PKD1L1: variants seen among roughly 807,000 people sequenced by gnomAD.
The protein encoded by PKD1L1 is polycystin 1 like 1, transient receptor potential channel interacting.
In PKD1L1, 236 loss-of-function variants were observed where a neutral mutation model predicts 323.4. The observed-to-expected ratio is 0.73, with a 90% CI of 0.66 to 0.81. The LOEUF (loss-of-function observed/expected upper bound fraction) is 0.81. PKD1L1 is among the 40% of genes least tolerant of loss of function. The probability of loss-of-function intolerance (pLI) is 0.00; values close to 1 mark genes in which losing one functional copy is unlikely to be tolerated. For missense variants in PKD1L1, 3,320 were observed against 3,508.0 expected (o/e 0.95, Z 1.35); for synonymous variants, 1,344 against 1,335.0 (o/e 1.01, Z -0.15).
At chr7:47,943,732 TC>T (rs2128759251) in intron 1 of PKD1L1, among the ~76,000 whole-genome samples, 1 of 152,274 alleles carries the variant, frequency 6.6e-6, no homozygotes, top group African/African-American at 2.4e-5. Flanking sequence ...GAAATATAGT[TC>T]CCATCTGACT....
intron 26 of PKD1L1, among the ~76,000 whole-genome samples, chr7:47,864,918 G>C (rs1786129726): frequency 6.6e-6 from 1 of 152,114 alleles, no homozygotes; most frequent in South Asian, 2.1e-4. Context: ...AGTGGAGACA[G>C]GGTTTCACCA....
chr7:47,806,149 C>T (rs1307341567), intron 52 of PKD1L1, among the ~76,000 whole-genome samples: 1 of 152,170 alleles, frequency 6.6e-6, no homozygotes, highest in Non-Finnish European at 1.5e-5. Flanking sequence ...TACTGCAAGT[C>T]ACCAGGTCAG....
intron 8 of PKD1L1, among the ~76,000 whole-genome samples, chr7:47,910,268 C>T (rs9648569): frequency 0.45 from 67,867 of 151,820 alleles, 15,998 homozygotes; most frequent in Admixed American, 0.51. Flanking sequence ...TAAGAATACA[C>T]TCCACGGACT....
At chr7:47,805,148 T>C (rs1199962800) in intron 52 of PKD1L1, among the ~76,000 whole-genome samples, 1 of 152,054 alleles carries the variant, frequency 6.6e-6, no homozygotes, top group Non-Finnish European at 1.5e-5. Flanking sequence ...ACCCCCAAGG[T>C]ATGTATCATA....
intron 46 of PKD1L1, among the ~76,000 whole-genome samples, chr7:47,820,386 G>T (rs1053899743): frequency 2.6e-5 from 4 of 152,178 alleles, no homozygotes; most frequent in Non-Finnish European, 5.9e-5. Flanking sequence ...GAAGGAGGAA[G>T]AAGCAAATGA....
intron 15 of PKD1L1, among the ~76,000 whole-genome samples, chr7:47,892,571 G>A (rs1282762669): frequency 6.6e-6 from 1 of 152,106 alleles, no homozygotes; most frequent in Non-Finnish European, 1.5e-5. Flanking sequence ...TTGGGAGGTG[G>A]GTGAGGGATG....
intron 7 of PKD1L1, among the ~76,000 whole-genome samples, chr7:47,928,443 A>G (rs1377975329): frequency 6.6e-6 from 1 of 151,978 alleles, no homozygotes; most frequent in Non-Finnish European, 1.5e-5. Context: ...GGTGGTGCAC[A>G]CCTGTAATCC....
At position 47,864,637 on chromosome 7, in the gene PKD1L1, C is replaced by CTTTCT. The variant is rs1562964112; in HGVS notation, c.4149+578_4149+579insAGAAA. 7.9e-3 allele frequency among the ~76,000 whole-genome samples: 414 copies of CTTTCT among 52,608 alleles called. 1 individual carries two copies. Among genetic ancestry groups the CTTTCT allele is most frequent in the African/African-American group, 0.02 (352 of 17,504 alleles). 34.5% of individuals were successfully genotyped at this position (52,608 alleles called of 152,430 possible). A position where few individuals can be genotyped will look rare whatever the true frequency, so the allele number is the denominator to read the frequency against. The stretch of plus-strand genomic sequence containing the variant: ...CTTTCTTTCTTTCTTTCTTTCTTTC[C>CTTTCT]TTCCTTCCTTCCTTCCTCCCTCTCT... On this transcript the variant is annotated intron_variant, in intron 26 of 56. Coordinates refer to ENST00000289672, the MANE Select transcript of PKD1L1 (RefSeq NM_138295.5).
chr7:47,866,419 C>T lies in PKD1L1; in HGVS notation c.4092G>A (p.Gln1364=), dbSNP rs1786169782. 6.2e-7 allele frequency: 1 copy of T among 1,612,864 alleles called. No individual in the cohort carries two copies. Among genetic ancestry groups the T allele is most frequent in the Admixed American group, 1.7e-5 (1 of 59,824 alleles). Residue 1364 remains glutamine (Q), a splice_region_variant and synonymous_variant, in exon 25 of 57, where the codon CAG becomes CAA. Transcript: ENST00000289672. ...AAACTCACCCTCCTCTGAGCCATACCTGATCTACAAAAGCCAATCTGCATA... is the reference window on the plus strand; with the variant it reads ...AAACTCACCCTCCTCTGAGCCATACTTGATCTACAAAAGCCAATCTGCATA... ...SSVCRLAFVD[Q]EEMIGSVLML...
At chr7:47,789,763 T>A (rs1188225402) in intron 56 of PKD1L1, among the ~76,000 whole-genome samples, 5 of 152,228 alleles carry the variant, frequency 3.3e-5, no homozygotes, top group Non-Finnish European at 7.3e-5. Context: ...TACCTTATGG[T>A]TTAAATATAA....
intron 4 of PKD1L1, among the ~76,000 whole-genome samples, chr7:47,933,386 T>C (rs2128756378): frequency 6.6e-6 from 1 of 152,186 alleles, no homozygotes; most frequent in East Asian, 1.9e-4. Context: ...GAGCCTCTCA[T>C]TTGTTTTCCA....
chr7:47,834,245 T>C (rs1271750132), intron 40 of PKD1L1, 94 bp downstream of exon 40: 5 of 1,294,472 alleles, frequency 3.9e-6, no homozygotes, highest in Admixed American at 3.7e-5. Flanking sequence ...GACCCATCCA[T>C]GGCCAGACCA....
At position 47,946,857 on chromosome 7, in the gene PKD1L1, G is replaced by T. The variant is rs911952731; in HGVS notation, c.44+1540C>A. On this transcript the variant is annotated intron_variant, in intron 1 of 56. Transcript: ENST00000289672. This position sits in a 1 kb window ranked among gnomAD's most constrained non-coding sequence, Gnocchi z 4.1. ...CAATTACAATGGCTAGTGCGTGCAT[G>T]AACTAGTTGGTCTGCAAGTACAAGA... Among the ~76,000 whole-genome samples the T allele has an allele frequency of 3.6e-5, 5 of 138,742 alleles. No homozygotes were observed. Among genetic ancestry groups the T allele is most frequent in the Non-Finnish European group, 7.4e-5 (5 of 67,944 alleles). 91.0% of individuals were successfully genotyped at this position (138,742 alleles called of 152,430 possible).
At chr7:47,922,172 C>G (rs560942989) in intron 7 of PKD1L1, among the ~76,000 whole-genome samples, 1 of 152,356 alleles carries the variant, frequency 6.6e-6, no homozygotes, top group South Asian at 2.1e-4. Flanking sequence ...CCTCGGCCTC[C>G]CGAGGTGCCG....
intron 3 of PKD1L1, 53 bp from the exon 4 acceptor site, chr7:47,937,011 T>TTTTGGGAA: frequency 5.1e-6 from 7 of 1,381,244 alleles, no homozygotes; most frequent in Admixed American, 1.8e-5. Flanking sequence ...GAAAACCCAG[T>TTTTGGGAA]ACATTTGGGA....
intron 7 of PKD1L1, among the ~76,000 whole-genome samples, chr7:47,928,294 T>C (rs904702748): frequency 9.9e-5 from 15 of 151,998 alleles, no homozygotes; most frequent in African/African-American, 3.4e-4. Context: ...GGGGGGAAGG[T>C]GCAGTGGCTC....
intron 54 of PKD1L1, among the ~76,000 whole-genome samples, chr7:47,796,438 C>T (rs573874062): frequency 6.6e-6 from 1 of 152,192 alleles, no homozygotes; most frequent in African/African-American, 2.4e-5. Flanking sequence ...ATGTGCATGC[C>T]CATATGTAAA....
intron 14 of PKD1L1, among the ~76,000 whole-genome samples, chr7:47,896,418 T>C (rs1330074883): frequency 6.6e-6 from 1 of 151,412 alleles, no homozygotes; most frequent in Non-Finnish European, 1.5e-5. Context: ...TTGTTGTGTC[T>C]AAACTGTGAA....
At chr7:47,828,582 G>A (rs1785282083) in intron 44 of PKD1L1, among the ~76,000 whole-genome samples, 1 of 152,146 alleles carries the variant, frequency 6.6e-6, no homozygotes, top group Non-Finnish European at 1.5e-5. Context: ...GGGGTGCAGG[G>A]ATGCTGCCTA....
Sources: gnomAD v4.1 joint callset for allele counts (sites outside exome capture counted in the v4.1 genomes callset) on GRCh38, gnomAD v4.1.1 for gene constraint, Gnocchi (gnomAD v3.1) non-coding constraint, MANE v1.5 for transcripts, NCBI Gene and HGNC (gene_info 2026-07-23, HGNC 2026-07-21) for gene names.